The following TMEM65 variants were observed in gnomAD, a reference collection of about 807,000 sequenced individuals.
The protein encoded by TMEM65 is transmembrane protein 65.
Under a neutral mutation model 25.4 loss-of-function variants are expected in TMEM65, and 22 were observed. The ratio of observed to expected loss-of-function variants is 0.86; its 90% CI spans 0.62 to 1.23. The LOEUF is 1.23. Ranked by LOEUF, TMEM65 falls within the 50% of genes most tolerant of loss-of-function variation. The probability of loss-of-function intolerance (pLI) is 0.00; values close to 1 mark genes in which losing one functional copy is unlikely to be tolerated. For synonymous variants in TMEM65, 132 were observed against 126.2 expected (o/e 1.05, Z -0.31); for missense variants, 262 against 308.2 (o/e 0.85, Z 1.12).
intron 1 of TMEM65, among the ~76,000 whole-genome samples, chr8:124,355,209 CT>C (rs994915626): frequency 1.3e-5 from 2 of 151,720 alleles, no homozygotes; most frequent in Admixed American, 6.6e-5. Flanking sequence ...AACAATTCAC[CT>C]TTTTTCAAAT....
At position 124,312,438 on chromosome 8, in the gene TMEM65, C is replaced by T. The variant is rs922071554; in HGVS notation, c.*1522G>A. ...AAACTGCCTTGTGAAAAAATATCTA[C>T]TCTGAAGAGTTCAAAGTAATTATGT... On this transcript the variant is annotated 3_prime_UTR_variant, in exon 7 of 7. Transcript: ENST00000297632. 5 of 151,960 alleles carry T rather than the reference C, an allele frequency of 3.3e-5. No individual in the cohort carries two copies. Among genetic ancestry groups the T allele is most frequent in the African/African-American group, 1.2e-4 (5 of 41,418 alleles). The allele number at this position is 151,960 out of a possible 1,614,324, so 9.4% of individuals were successfully genotyped here. A position where few individuals can be genotyped will look rare whatever the true frequency, so the allele number is the denominator to read the frequency against.
chr8:124,321,612 C>T (rs1814304353), intron 5 of TMEM65, among the ~76,000 whole-genome samples: 1 of 152,118 alleles, frequency 6.6e-6, no homozygotes, highest in Non-Finnish European at 1.5e-5. Flanking sequence ...AAAGTTCCCC[C>T]CTCTAGAAAA....
At chr8:124,321,605 G>T (rs1036941543) in intron 5 of TMEM65, among the ~76,000 whole-genome samples, 2 of 152,044 alleles carry the variant, frequency 1.3e-5, no homozygotes, top group Non-Finnish European at 2.9e-5. Flanking sequence ...TCCTTTGAAA[G>T]TTCCCCCCTC....
chr8:124,359,526 G>A (rs2131225839), intron 1 of TMEM65, among the ~76,000 whole-genome samples: 2 of 152,232 alleles, frequency 1.3e-5, no homozygotes, highest in South Asian at 4.1e-4. Context: ...CAGATCCCTT[G>A]AAGCCAGGAA....
At chr8:124,327,486 G>C in intron 2 of TMEM65, 65 bp from the exon 3 acceptor site, 2 of 1,059,542 alleles carry the variant, frequency 1.9e-6, no homozygotes, top group Non-Finnish European at 2.7e-6. Context: ...GACAAAAACA[G>C]ATGATATGAT....
intron 1 of TMEM65, among the ~76,000 whole-genome samples, chr8:124,331,253 G>C (rs1814427938): frequency 6.6e-6 from 1 of 151,270 alleles, no homozygotes; most frequent in African/African-American, 2.4e-5. Context: ...TTAAAATGAA[G>C]AAAATATTTT....
At chr8:124,357,116 GTTC>G (rs1330452748) in intron 1 of TMEM65, among the ~76,000 whole-genome samples, 1 of 140,740 alleles carries the variant, frequency 7.1e-6, no homozygotes, top group Non-Finnish European at 1.5e-5. Flanking sequence ...TCTAGTTCTT[GTTC>G]TTCTTCCTGT....
At position 124,355,889 on chromosome 8, in the gene TMEM65, G is replaced by A. The variant is rs1586471546; in HGVS notation, c.304+15965C>T. Among the ~76,000 whole-genome samples the A allele has an allele frequency of 3.3e-5, 5 of 152,170 alleles. No individual in the cohort carries two copies. The South Asian group carries it at 8.3e-4, about 25-fold the overall frequency. ...GTGAAGGCAGAGTGGGAGATTTTGA[G>A]GCAGTATGAAGCTACTAGGGTATGC... On this transcript the variant is annotated intron_variant, in intron 1 of 6. Transcript: ENST00000297632.
Position 124,311,924 on chromosome 8 carries a change from G to A in TMEM65, c.*2036C>T, listed in dbSNP as rs930903539. On this transcript the variant is annotated 3_prime_UTR_variant, in exon 7 of 7. Transcript: ENST00000297632. ...GTTCAGTTAAACCAGTAATTCCCTG[G>A]GACCAGATTACTTTCAAGAGCAAGA... is the stretch of plus-strand genomic sequence containing the variant. 1.3e-5 allele frequency: 2 copies of A among 152,168 alleles called. No homozygotes were observed. Among genetic ancestry groups the A allele is most frequent in the African/African-American group, 2.4e-5 (1 of 41,304 alleles). 9.4% of individuals were successfully genotyped at this position (152,168 alleles called of 1,614,324 possible).
intron 1 of TMEM65, among the ~76,000 whole-genome samples, chr8:124,358,219 G>C (rs1357693566): frequency 6.6e-6 from 1 of 152,164 alleles, no homozygotes; most frequent in African/African-American, 2.4e-5. Context: ...ATAAAATAGA[G>C]ATAATTCCTT....
chr8:124,334,763 C>CAAAA (rs34202764), intron 1 of TMEM65, among the ~76,000 whole-genome samples: 21 of 85,758 alleles, frequency 2.4e-4, no homozygotes, highest in Non-Finnish European at 2.7e-4. Flanking sequence ...GACTCCGTCT[C>CAAAA]AAAAAAAAAA....
intron 1 of TMEM65, among the ~76,000 whole-genome samples, chr8:124,365,675 G>C (rs1228462590): frequency 2.0e-5 from 3 of 152,182 alleles, no homozygotes; most frequent in Non-Finnish European, 4.4e-5. Flanking sequence ...ATAATCATGA[G>C]GGTTCTTATA....
At position 124,339,511 on chromosome 8, in the gene TMEM65, T is replaced by C. The variant is rs138314900; in HGVS notation, c.305-8719A>G. Among the ~76,000 whole-genome samples, 17 of 152,056 alleles carry C rather than the reference T, an allele frequency of 1.1e-4. No individual in the cohort carries two copies. The East Asian group carries it at 3.1e-3, about 28-fold the overall frequency. Reference sequence around the variant, plus strand: ...TTCTTTGCCCAAATAAACTTTGTTATATTTAATCTGTCTAATGTTTTTCTT... The same window carrying C: ...TTCTTTGCCCAAATAAACTTTGTTACATTTAATCTGTCTAATGTTTTTCTT... On this transcript the variant is annotated intron_variant, in intron 1 of 6. Coordinates refer to ENST00000297632, the MANE Select transcript of TMEM65 (RefSeq NM_194291.3).
chr8:124,343,130 T>C (rs567823640), intron 1 of TMEM65, among the ~76,000 whole-genome samples: 7 of 152,068 alleles, frequency 4.6e-5, no homozygotes, highest in South Asian at 2.1e-4. Context: ...AATGGACAAG[T>C]TGTAAAACAA....
In TMEM65 at chr8:124,309,588, C is replaced by T. The variant is rs946138123; in HGVS notation, c.*4372G>A. The T allele has an allele frequency of 6.6e-6, 1 of 152,160 alleles. No homozygotes were observed. Among genetic ancestry groups the T allele is most frequent in the African/African-American group, 2.4e-5 (1 of 41,436 alleles). The allele number at this position is 152,160 out of a possible 1,614,324, so 9.4% of individuals were successfully genotyped here. ...TTTTCTTAACACCAACTTTCTAGTA[C>T]CTAGCATGATACTTTCTCTTCACAG... On this transcript the variant is annotated 3_prime_UTR_variant, in exon 7 of 7. Coordinates refer to ENST00000297632, the MANE Select transcript of TMEM65 (RefSeq NM_194291.3).
intron 1 of TMEM65, among the ~76,000 whole-genome samples, chr8:124,348,344 G>A (rs1342519401): frequency 2.0e-5 from 3 of 151,884 alleles, no homozygotes; most frequent in Admixed American, 1.3e-4. Flanking sequence ...TAACTTGTGT[G>A]CTTCAACAAC....
chr8:124,371,502 G>A (rs1054930192), intron 1 of TMEM65, among the ~76,000 whole-genome samples: 1 of 152,268 alleles, frequency 6.6e-6, no homozygotes, highest in Non-Finnish European at 1.5e-5. Flanking sequence ...AGGGCTAAGG[G>A]ACAGGAGGGC....
At chr8:124,343,842 G>A (rs1814612277) in intron 1 of TMEM65, among the ~76,000 whole-genome samples, 1 of 152,158 alleles carries the variant, frequency 6.6e-6, no homozygotes, top group Non-Finnish European at 1.5e-5. Flanking sequence ...TTCTGCAATT[G>A]AATGTTAGAT....
At position 124,307,112 on chromosome 8, in the gene TMEM65, C is replaced by CCTGTTG. The variant is rs1222025902; in HGVS notation, c.*6842_*6847dup. 3.3e-5 allele frequency: 5 copies of CCTGTTG among 152,186 alleles called. No individual in the cohort carries two copies. Among genetic ancestry groups the CCTGTTG allele is most frequent in the African/African-American group, 9.7e-5 (4 of 41,434 alleles). The allele number at this position is 152,186 out of a possible 1,614,324, so 9.4% of individuals were successfully genotyped here. On this transcript the variant is annotated 3_prime_UTR_variant, in exon 7 of 7. Coordinates refer to ENST00000297632, the MANE Select transcript of TMEM65 (RefSeq NM_194291.3). ...TACTACCATAATTTCAGAGCTACCT[C>CCTGTTG]CTGTTGCTGTTGCTGTGAGCTCAAG...
Sources: allele counts gnomAD v4.1 joint callset (sites outside exome capture counted in the v4.1 genomes callset), GRCh38; gene constraint gnomAD v4.1.1; transcripts MANE v1.5; gene names NCBI Gene and HGNC (gene_info 2026-07-23, HGNC 2026-07-21).